Variants in HROB observed in about 807,000 individuals in gnomAD.
HROB encodes homologous recombination factor with OB-fold.
A neutral mutation model predicts 61.0 loss-of-function variants in HROB; 44 were observed. That is an observed-to-expected ratio of 0.72 (90% CI 0.57 to 0.93). HROB has a LOEUF of 0.93. Among genes scored for constraint, HROB ranks in the 40% least tolerant of loss-of-function variants. HROB has a pLI of 0.00. For missense variants in HROB, 716 were observed against 796.2 expected (o/e 0.90, Z 1.21); for synonymous variants, 301 against 310.4 (o/e 0.97, Z 0.32).
intron 4 of HROB, among the ~76,000 whole-genome samples, chr17:44,151,548 G>A (rs1241698846): frequency 2.6e-5 from 4 of 152,064 alleles, no homozygotes; most frequent in South Asian, 2.1e-4. Context: ...CTGTAGCTCC[G>A]CAGATCTGCC....
chr17:44,156,631 C>T (rs1370178845), intron 8 of HROB, among the ~76,000 whole-genome samples: 1 of 151,762 alleles, frequency 6.6e-6, no homozygotes, highest in Non-Finnish European at 1.5e-5. Context: ...TTTCCTAGGA[C>T]TAACCATGGT....
In HROB at chr17:44,148,779, A is replaced by C; in HGVS notation, c.976A>C (p.Thr326Pro). 5 of 1,613,898 alleles carry C rather than the reference A, an allele frequency of 3.1e-6. No homozygotes were observed. The highest frequency in any genetic ancestry group is 1.6e-4 in the Middle Eastern group (1 of 6,062). Residue 326 changes from threonine (T) to proline (P), a missense_variant, in exon 3 of 10, where the codon ACT becomes CCT. Transcript: ENST00000585683. ...TCGAACTCCCAACTCAAGCTGTTCTACTCCCTCAAGGACTAGCTCTGGATT... is the reference window on the plus strand; with the variant it reads ...TCGAACTCCCAACTCAAGCTGTTCTCCTCCCTCAAGGACTAGCTCTGGATT... ...RPRTPNSSCS[T>P]PSRTSSGLFP...
chr17:44,144,843 G>A (rs746901306), intron 1 of HROB, among the ~76,000 whole-genome samples: 1 of 150,078 alleles, frequency 6.7e-6, no homozygotes, highest in Non-Finnish European at 1.5e-5. Flanking sequence ...AGCCTCCCGA[G>A]TAGCTGGGAT....
At chr17:44,152,215 G>A (rs2053833073) in intron 4 of HROB, among the ~76,000 whole-genome samples, 1 of 151,768 alleles carries the variant, frequency 6.6e-6, no homozygotes, top group South Asian at 2.1e-4. Flanking sequence ...CTTGTCTTCA[G>A]GTGATCCACC....
intron 8 of HROB, among the ~76,000 whole-genome samples, chr17:44,156,053 G>A (rs1159368318): frequency 1.3e-5 from 2 of 152,132 alleles, no homozygotes; most frequent in Non-Finnish European, 2.9e-5. Flanking sequence ...CCTTGGGCAA[G>A]TCCTGTTGCC....
chr17:44,145,855 ATTTC>A (rs2053594660), intron 2 of HROB, among the ~76,000 whole-genome samples: 1 of 152,120 alleles, frequency 6.6e-6, no homozygotes, highest in African/African-American at 2.4e-5. Context: ...AGCCAGGGAT[ATTTC>A]TTTTTTTTCC....
intron 3 of HROB, among the ~76,000 whole-genome samples, chr17:44,150,303 G>A (rs1270312282): frequency 6.6e-6 from 1 of 152,050 alleles, no homozygotes; most frequent in Non-Finnish European, 1.5e-5. Context: ...GTTCCTCCTG[G>A]GCTGGATCTC....
intron 2 of HROB, among the ~76,000 whole-genome samples, chr17:44,146,671 T>C (rs142340717): frequency 2.1e-4 from 32 of 152,310 alleles, no homozygotes; most frequent in African/African-American, 7.2e-4. Flanking sequence ...ATCAGGATTT[T>C]ATTACTGCTA....
At position 44,148,881 on chromosome 17, in the gene HROB, C is replaced by G; in HGVS notation, c.1078C>G (p.Gln360Glu). The G allele has an allele frequency of 6.2e-7, 1 of 1,614,204 alleles. No homozygotes were observed. ...TCCTGTTGGTACCCCAAAAGGTCCC[C>G]AGGGAGCTCTGCAGACACCCATAGT... is the stretch of plus-strand genomic sequence containing the variant. ...GSPVGTPKGP[Q>E]GALQTPIVTN... Residue 360 changes from glutamine to glutamate, a missense_variant, in exon 3 of 10, where the codon CAG (glutamine) becomes GAG (glutamate). Gln to Glu is a conservative substitution (Grantham distance 29). Transcript: ENST00000585683.
intron 8 of HROB, among the ~76,000 whole-genome samples, chr17:44,156,147 C>T (rs1478675991): frequency 6.6e-6 from 1 of 152,164 alleles, no homozygotes; most frequent in Non-Finnish European, 1.5e-5. Context: ...TAAGCTCCAA[C>T]TTTCCACTTC....
At chr17:44,153,831 CTT>C (rs1378426417) in intron 5 of HROB, among the ~76,000 whole-genome samples, 1 of 151,464 alleles carries the variant, frequency 6.6e-6, no homozygotes, top group East Asian at 2.0e-4. Flanking sequence ...GGGCAGATCA[CTT>C]GAGGTCAGGA....
chr17:44,148,203 T>G lies in HROB; in HGVS notation c.400T>G (p.Leu134Val). 1.2e-6 allele frequency: 2 copies of G among 1,614,160 alleles called. No homozygotes were observed. Among genetic ancestry groups the G allele is most frequent in the Non-Finnish European group, 1.7e-6 (2 of 1,180,030 alleles). Reference protein sequence around the residue: ...RETARPQSSALHPLLTFESQQ... With the variant: ...RETARPQSSAVHPLLTFESQQ... Reference sequence around the variant, plus strand: ...GACAGCAAGACCTCAGTCCTCAGCCTTACACCCCCTACTCACCTTTGAGAG... The same window carrying G: ...GACAGCAAGACCTCAGTCCTCAGCCGTACACCCCCTACTCACCTTTGAGAG... Residue 134 changes from leucine (L) to valine (V), a missense_variant, in exon 3 of 10, where the codon TTA becomes GTA. Coordinates refer to ENST00000585683, the MANE Select transcript of HROB (RefSeq NM_001171251.3).
At position 44,150,976 on chromosome 17, in the gene HROB, CTG is replaced by C; in HGVS notation, c.1241_1242del (p.Leu414ArgfsTer18). 5.0e-6 allele frequency: 8 copies of C among 1,612,684 alleles called. No homozygotes were observed. The highest frequency in any genetic ancestry group is 6.8e-6 in the Non-Finnish European group (8 of 1,179,548). On this transcript the variant is annotated frameshift_variant, in exon 4 of 10. Transcript: ENST00000585683. LOFTEE classifies it high-confidence loss of function. ...ILPHQQSGRS[L>X]EDIMVSAPQT... ...CCCCTCTTAGCAGAGTGGGAGAAGT[CTG>C]GAGGACATCATGGTTTCCGCGCCCC...
Position 44,142,045 on chromosome 17 carries a change from G to A in HROB, c.-98G>A. On this transcript the variant is annotated 5_prime_UTR_variant, in exon 1 of 10. Transcript: ENST00000585683. ...CAGCCCGGAAGCACTGTCCCTCGGA[G>A]TCCGAGACTTCCACCTGGGTCGTGT... is the stretch of plus-strand genomic sequence containing the variant. 1.4e-6 allele frequency: 2 copies of A among 1,468,384 alleles called. No homozygotes were observed. The highest frequency in any genetic ancestry group is 1.2e-5 in the South Asian group (1 of 82,402). The allele number at this position is 1,468,384 out of a possible 1,614,324, so 91.0% of individuals were successfully genotyped here. A position where few individuals can be genotyped will look rare whatever the true frequency, so the allele number is the denominator to read the frequency against.
chr17:44,154,885 C>T lies in HROB; in HGVS notation c.1591C>T (p.Leu531=). Residue 531 remains leucine, a synonymous_variant, in exon 7 of 10, where the codon CTG becomes TTG. Coordinates refer to ENST00000585683, the MANE Select transcript of HROB (RefSeq NM_001171251.3). ...EMQGTVHRLL[L]ETCQNELKPG... is the part of the protein sequence containing the mutation. ...GCAGGGGACGGTGCACAGGTTGCTG[C>T]TGGAGACGTGCCAGAATGAGCTGAA... is the stretch of plus-strand genomic sequence containing the variant. 6.2e-7 allele frequency: 1 copy of T among 1,614,092 alleles called. No homozygotes were observed. Among genetic ancestry groups the T allele is most frequent in the Non-Finnish European group, 8.5e-7 (1 of 1,180,022 alleles).
chr17:44,157,494 A>ACCTCTG lies in HROB; in HGVS notation c.1771-334_1771-329dup, dbSNP rs1454202434. The stretch of plus-strand genomic sequence containing the variant: ...AGTGGCACGATATTGGCTCACTGCA[A>ACCTCTG]CCTCTGCCTCCTGGGTTCAAGCGAT... On this transcript the variant is annotated intron_variant, in intron 8 of 9. Coordinates refer to ENST00000585683, the MANE Select transcript of HROB (RefSeq NM_001171251.3). 3.1e-4 allele frequency among the ~76,000 whole-genome samples: 46 copies of ACCTCTG among 147,322 alleles called. No homozygotes were observed. The Admixed American group carries it at 3.2e-3, about 10-fold the overall frequency.
At chr17:44,155,547 G>A in intron 8 of HROB, 136 bp downstream of exon 8, 1 of 1,344,682 alleles carries the variant, frequency 7.4e-7, no homozygotes, top group Non-Finnish European at 9.9e-7. Flanking sequence ...GGTATCTTTG[G>A]GGACAGGACC....
intron 3 of HROB, among the ~76,000 whole-genome samples, chr17:44,150,188 G>C (rs1309453625): frequency 1.3e-5 from 2 of 152,134 alleles, no homozygotes; most frequent in East Asian, 3.8e-4. Context: ...GACTGGTTGT[G>C]ATAGGTGTGC....
chr17:44,150,904 A>C, intron 3 of HROB, 57 bp from the exon 4 acceptor site: 2 of 1,379,480 alleles, frequency 1.4e-6, no homozygotes, highest in Non-Finnish European at 2.1e-6. Flanking sequence ...AATAAGCTGT[A>C]CTTGTAAATA....
Sources: allele counts gnomAD v4.1 joint callset (sites outside exome capture counted in the v4.1 genomes callset), GRCh38; gene constraint gnomAD v4.1.1; transcripts MANE v1.5; gene names NCBI Gene and HGNC (gene_info 2026-07-23, HGNC 2026-07-21).